Variants in PNOC observed in about 807,000 individuals in gnomAD.
PNOC encodes nociceptin.
Under a neutral mutation model 15.6 loss-of-function variants are expected in PNOC, and 10 were observed. The observed-to-expected ratio is 0.64, with a 90% CI of 0.40 to 1.09. The LOEUF is 1.09. PNOC is among the 50% of genes least tolerant of loss of function. The probability of loss-of-function intolerance (pLI) is 0.01; values close to 1 mark genes in which losing one functional copy is unlikely to be tolerated. For missense variants in PNOC, 220 were observed against 223.9 expected, an observed-to-expected ratio of 0.98 and a Z score of 0.11; for synonymous variants, 98 against 88.5, an observed-to-expected ratio of 1.11 and a Z score of -0.60.
At position 28,339,103 on chromosome 8, in the gene PNOC, G is replaced by A. The variant is rs758733147; in HGVS notation, c.190G>A (p.Val64Ile). Reference protein sequence around the residue: ...PSPLWTPCTKVMARSSWQLSP... With the variant: ...PSPLWTPCTKIMARSSWQLSP... ...CCCCCTCTGGACTCCATGCACCAAG[G>A]TCATGGCCAGGAGCTCTTGGCAGCT... Residue 64 changes from valine (V) to isoleucine (I), a missense_variant, in exon 3 of 4, where the codon GTC becomes ATC. Transcript: ENST00000301908. The A allele has an allele frequency of 1.2e-6, 2 of 1,608,924 alleles. No individual in the cohort carries two copies. The highest frequency in any genetic ancestry group is 1.1e-5 in the South Asian group (1 of 91,004).
rs1282623054 is a variant in PNOC at position 28,342,904 on chromosome 8, T to C, written c.*48-38T>C. On this transcript the variant is annotated intron_variant, in intron 3 of 3. Coordinates refer to ENST00000301908, the MANE Select transcript of PNOC (RefSeq NM_006228.5). ...GAATAGAAAAGGGTCAGAAAAACCA[T>C]CAGGTTTGCCATTTTTTAACCATTT... is the stretch of plus-strand genomic sequence containing the variant. 3 of 868,854 alleles carry C rather than the reference T, an allele frequency of 3.5e-6. No individual in the cohort carries two copies. The East Asian group carries it at 3.6e-4, about 105-fold the overall frequency. 53.8% of individuals were successfully genotyped at this position (868,854 alleles called of 1,614,324 possible).
chr8:28,319,226 T>C lies in PNOC; in HGVS notation c.-24+1910T>C, dbSNP rs143554828. On this transcript the variant is annotated intron_variant, in intron 1 of 3. Transcript: ENST00000301908. ...GCAGGGTCAGGACTGAGCCAAGGCA[T>C]TGTGGCTCCAGTTCATCTCCCCGTT... 3.4e-3 allele frequency among the ~76,000 whole-genome samples: 524 copies of C among 152,224 alleles called. 2 individuals carry two copies. Among genetic ancestry groups the C allele is most frequent in the African/African-American group, 0.011 (464 of 41,520 alleles).
rs990708709 is a variant in PNOC, at chr8:28,339,333, C to T, written c.420C>T (p.Ala140=). The part of the protein sequence containing the change: ...FGGFTGARKS[A]RKLANQKRFS... ...GCTTCACCGGGGCCCGGAAGTCGGC[C>T]AGGAAGTTGGCCAATCAGAAGCGGT... The change falls in exon 3 of 4, where the codon GCC becomes GCT. Residue 140 remains alanine (A), a synonymous_variant. Coordinates refer to ENST00000301908, the MANE Select transcript of PNOC (RefSeq NM_006228.5). 1.2e-6 allele frequency: 2 copies of T among 1,611,568 alleles called. No individual in the cohort carries two copies. Among genetic ancestry groups the T allele is most frequent in the African/African-American group, 1.3e-5 (1 of 74,876 alleles).
intron 2 of PNOC, among the ~76,000 whole-genome samples, chr8:28,330,404 T>TTTTTTTTTTTTTTATTTA (rs1801310195): frequency 7.5e-6 from 1 of 133,292 alleles, no homozygotes; most frequent in Non-Finnish European, 1.6e-5. Context: ...TTATTTTTTT[T>TTTTTTTTTTTTTTATTTA]TTTTTTTTGA....
intron 2 of PNOC, among the ~76,000 whole-genome samples, chr8:28,336,995 A>T (rs1585839114): frequency 6.6e-6 from 1 of 152,196 alleles, no homozygotes; most frequent in Non-Finnish European, 1.5e-5. Flanking sequence ...AATGAAATTC[A>T]CCTGCTAGTA....
chr8:28,327,531 C>T (rs184723770), intron 1 of PNOC, among the ~76,000 whole-genome samples: 6 of 151,610 alleles, frequency 4.0e-5, no homozygotes, highest in Non-Finnish European at 7.4e-5. Flanking sequence ...AACAAAAGAG[C>T]GTATACTGGG....
chr8:28,335,136 CT>C (rs1179295736), intron 2 of PNOC, among the ~76,000 whole-genome samples: 1 of 152,252 alleles, frequency 6.6e-6, no homozygotes, highest in Non-Finnish European at 1.5e-5. Context: ...CCTGTCAGAC[CT>C]AGTCCCTGCC....
chr8:28,335,775 C>T (rs563225301), intron 2 of PNOC, among the ~76,000 whole-genome samples: 5 of 152,204 alleles, frequency 3.3e-5, no homozygotes, highest in South Asian at 2.1e-4. Context: ...ATGATCCGCC[C>T]GCCTCAGCCT....
At chr8:28,341,235 G>A (rs1189919368) in intron 3 of PNOC, among the ~76,000 whole-genome samples, 2 of 152,166 alleles carry the variant, frequency 1.3e-5, no homozygotes, top group Non-Finnish European at 2.9e-5. Context: ...TTCACCACGG[G>A]CCTGTTACCA....
intron 2 of PNOC, among the ~76,000 whole-genome samples, chr8:28,334,014 A>G (rs952920171): frequency 2.0e-5 from 3 of 151,372 alleles, no homozygotes. Context: ...GCACTTTAGG[A>G]TGTTTACTGG....
At chr8:28,337,668 C>T (rs1309911876) in intron 2 of PNOC, among the ~76,000 whole-genome samples, 2 of 150,054 alleles carry the variant, frequency 1.3e-5, no homozygotes, top group Non-Finnish European at 3.0e-5. Context: ...CTGCAAGCTC[C>T]GCCTCCCGGG....
chr8:28,340,880 C>G (rs958036690), intron 3 of PNOC, among the ~76,000 whole-genome samples: 1 of 152,176 alleles, frequency 6.6e-6, no homozygotes, highest in Non-Finnish European at 1.5e-5. Context: ...CCTGAAGGAT[C>G]CACCCCCATG....
At chr8:28,319,552 C>T (rs1467333576) in intron 1 of PNOC, among the ~76,000 whole-genome samples, 1 of 152,146 alleles carries the variant, frequency 6.6e-6, no homozygotes, top group Non-Finnish European at 1.5e-5. Flanking sequence ...TCTTGAAACC[C>T]ACTCTGTGCC....
At chr8:28,318,325 C>T (rs944781413) in intron 1 of PNOC, among the ~76,000 whole-genome samples, 1 of 152,174 alleles carries the variant, frequency 6.6e-6, no homozygotes, top group African/African-American at 2.4e-5. Context: ...TTGAATACCC[C>T]CATCCTGCGC....
intron 2 of PNOC, 173 bp from the exon 3 acceptor site, chr8:28,338,867 C>T: frequency 9.6e-7 from 1 of 1,040,422 alleles, no homozygotes; most frequent in Non-Finnish European, 1.3e-6. Context: ...CTGTTTGTTT[C>T]CAATTCTGAA....
At chr8:28,326,864 C>CA in intron 1 of PNOC, among the ~76,000 whole-genome samples, 1 of 152,068 alleles carries the variant, frequency 6.6e-6, no homozygotes, top group South Asian at 2.1e-4. Context: ...TGTCTCAAAA[C>CA]AAAAACAAAA....
intron 2 of PNOC, among the ~76,000 whole-genome samples, chr8:28,337,621 C>A (rs1170357157): frequency 1.6e-5 from 2 of 126,164 alleles, no homozygotes; most frequent in African/African-American, 5.9e-5. Flanking sequence ...CTCGTTCTGT[C>A]GCCCAGCGTC....
intron 1 of PNOC, among the ~76,000 whole-genome samples, chr8:28,326,003 TAC>T (rs896788224): frequency 3.9e-5 from 6 of 152,184 alleles, no homozygotes; most frequent in Admixed American, 1.3e-4. Flanking sequence ...GCATTTGCGA[TAC>T]AGTCATTTAT....
chr8:28,338,549 T>C, intron 2 of PNOC: 1 of 971,790 alleles, frequency 1.0e-6, no homozygotes, highest in Non-Finnish European at 1.2e-6. Context: ...CCTAGGTAGA[T>C]CTTTACATGG....
Sources: gnomAD v4.1 joint callset for allele counts (sites outside exome capture counted in the v4.1 genomes callset) on GRCh38, gnomAD v4.1.1 for gene constraint, MANE v1.5 for transcripts, NCBI Gene and HGNC (gene_info 2026-07-23, HGNC 2026-07-21) for gene names.